DHRSX: variants seen among roughly 807,000 people sequenced by gnomAD.
DHRSX encodes polyprenol dehydrogenase.
Under a neutral mutation model 34.0 loss-of-function variants are expected in DHRSX, and 31 were observed. The ratio of observed to expected loss-of-function variants is 0.91; its 90% CI spans 0.69 to 1.23. DHRSX has a LOEUF of 1.23. Ranked by LOEUF, DHRSX falls within the 50% of genes most tolerant of loss-of-function variation. The pLI is 0.00. For synonymous variants in DHRSX, 201 were observed against 183.8 expected, an observed-to-expected ratio of 1.09 and a Z score of -0.76; for missense variants, 414 against 428.1, an observed-to-expected ratio of 0.97 and a Z score of 0.29.
At chrX:2,268,940 G>A (rs1485148588) in intron 4 of DHRSX, among the ~76,000 whole-genome samples, 1 of 152,216 alleles carries the variant, frequency 6.6e-6, no homozygotes, top group African/African-American at 2.4e-5. Context: ...TGCATTTGAG[G>A]TGTATGATTA....
intron 1 of DHRSX, among the ~76,000 whole-genome samples, chrX:2,473,073 T>A (rs2044618391): frequency 6.6e-6 from 1 of 152,098 alleles, no homozygotes; most frequent in Non-Finnish European, 1.5e-5. Context: ...TCTAGCCAGT[T>A]TGTTCACAGC....
At chrX:2,293,208 T>C (rs1489564990) in intron 3 of DHRSX, among the ~76,000 whole-genome samples, 2 of 151,518 alleles carry the variant, frequency 1.3e-5, no homozygotes, top group African/African-American at 4.9e-5. Context: ...AAATTCCCAG[T>C]GGGTCTCCAT....
At chrX:2,430,256 C>T (rs1212895707) in intron 1 of DHRSX, among the ~76,000 whole-genome samples, 1 of 57,700 alleles carries the variant, frequency 1.7e-5, no homozygotes, top group Admixed American at 1.9e-4. Flanking sequence ...GAGACCCCAG[C>T]TCAAAAAAAA....
chrX:2,470,453 G>A (rs2044572107), intron 1 of DHRSX, among the ~76,000 whole-genome samples: 1 of 151,794 alleles, frequency 6.6e-6, no homozygotes, highest in South Asian at 2.1e-4. Context: ...TGCACCTGTA[G>A]TCCCAGCTAC....
rs1171685904 is a variant in DHRSX, at chrX:2,448,710, A to G, written c.110-23406T>C. On this transcript the variant is annotated intron_variant, in intron 1 of 6. Transcript: ENST00000334651. Reference sequence around the variant, plus strand: ...TATATGTATACGATTATTTTTTGTTAATGAACAATACATTTTCTATAAAAA... The same window carrying G: ...TATATGTATACGATTATTTTTTGTTGATGAACAATACATTTTCTATAAAAA... Among the ~76,000 whole-genome samples, 3 of 152,188 alleles carry G rather than the reference A, an allele frequency of 2.0e-5. No individual in the cohort carries two copies. The East Asian group carries it at 5.8e-4, about 29-fold the overall frequency.
chrX:2,314,675 T>C (rs1355234478), intron 3 of DHRSX, among the ~76,000 whole-genome samples: 1 of 152,010 alleles, frequency 6.6e-6, no homozygotes, highest in African/African-American at 2.4e-5. Context: ...TAAGTTACGA[T>C]ATATAGGGTT....
At chrX:2,460,197 A>T (rs1173857942) in intron 1 of DHRSX, among the ~76,000 whole-genome samples, 1 of 152,090 alleles carries the variant, frequency 6.6e-6, no homozygotes, top group Non-Finnish European at 1.5e-5. Flanking sequence ...TCCTCTCACA[A>T]AGCGGCGAGT....
chrX:2,256,485 G>A (rs1426138187), intron 5 of DHRSX, among the ~76,000 whole-genome samples: 2 of 151,982 alleles, frequency 1.3e-5, no homozygotes, highest in Admixed American at 6.6e-5. Flanking sequence ...TAGTAGAGAC[G>A]GGGTTTCCCC....
At chrX:2,356,742 C>T (rs962032025) in intron 3 of DHRSX, among the ~76,000 whole-genome samples, 1 of 152,182 alleles carries the variant, frequency 6.6e-6, no homozygotes, top group Non-Finnish European at 1.5e-5. Flanking sequence ...GGGATGATCC[C>T]TTTCCATTTG....
chrX:2,226,013 G>A (rs1322772265), intron 6 of DHRSX, among the ~76,000 whole-genome samples: 2 of 152,022 alleles, frequency 1.3e-5, no homozygotes, highest in African/African-American at 2.4e-5. Flanking sequence ...CAAGGAGAGA[G>A]GCCTCGGGAG....
chrX:2,242,766 C>A (rs1473048462), intron 6 of DHRSX, among the ~76,000 whole-genome samples: 10 of 152,028 alleles, frequency 6.6e-5, no homozygotes, highest in South Asian at 6.2e-4. Context: ...AATAATCCCC[C>A]CCTCGTTTAG....
chrX:2,462,716 C>T (rs1291838721), intron 1 of DHRSX, among the ~76,000 whole-genome samples: 7 of 151,978 alleles, frequency 4.6e-5, no homozygotes, highest in Non-Finnish European at 1.0e-4. Flanking sequence ...TTTTATAAGC[C>T]CAAGTCCCAC....
chrX:2,387,752 A>G (rs1044930472), intron 3 of DHRSX, among the ~76,000 whole-genome samples: 1 of 152,000 alleles, frequency 6.6e-6, no homozygotes, highest in Non-Finnish European at 1.5e-5. Context: ...TAATCATCGC[A>G]GAACCCATTC....
In DHRSX at chrX:2,243,202, C is replaced by A. The variant is rs200356760; in HGVS notation, c.625G>T (p.Ala209Ser). Residue 209 changes from alanine to serine, a missense_variant, in exon 6 of 7, where the codon GCC becomes TCC. Transcript: ENST00000334651. The part of the protein sequence containing the change: ...SACYSPHAAY[A>S]QSKLALVLFT... ...AGGACAAGGGCCAGCTTGCTCTGGG[C>A]GTAGGCTGCGTGGGGTGAGTAGCAG... 55 of 1,613,664 alleles carry A rather than the reference C, an allele frequency of 3.4e-5. No individual in the cohort carries two copies. The highest frequency in any genetic ancestry group is 5.5e-5 in the South Asian group (5 of 91,064).
At chrX:2,399,732 A>AG (rs1013392550) in intron 3 of DHRSX, among the ~76,000 whole-genome samples, 1 of 138,938 alleles carries the variant, frequency 7.2e-6, no homozygotes, top group African/African-American at 2.8e-5. Context: ...AAGCAAAAAA[A>AG]AAAAAAAAAA....
intron 1 of DHRSX, among the ~76,000 whole-genome samples, chrX:2,486,127 T>C (rs964780623): frequency 4.6e-5 from 7 of 151,998 alleles, no homozygotes; most frequent in African/African-American, 1.7e-4. Flanking sequence ...TATACAACTA[T>C]CCACTAAGTG....
intron 3 of DHRSX, among the ~76,000 whole-genome samples, chrX:2,355,237 C>T (rs1414787912): frequency 2.0e-5 from 3 of 152,090 alleles, no homozygotes; most frequent in African/African-American, 7.2e-5. Flanking sequence ...TCAGGCCGGG[C>T]ACAATGGCTC....
chrX:2,289,252 G>A (rs985574149), intron 4 of DHRSX, among the ~76,000 whole-genome samples: 89 of 151,976 alleles, frequency 5.9e-4, no homozygotes, highest in African/African-American at 2.1e-3. Flanking sequence ...TGAGTAGCTG[G>A]GACTACAGAT....
intron 3 of DHRSX, among the ~76,000 whole-genome samples, chrX:2,398,674 T>TC (rs1194078871): frequency 6.7e-6 from 1 of 149,782 alleles, no homozygotes; most frequent in African/African-American, 2.5e-5. Flanking sequence ...ATATTCCTTT[T>TC]TTTTTTTTTT....
Sources: allele counts gnomAD v4.1 joint callset (sites outside exome capture counted in the v4.1 genomes callset), GRCh38; gene constraint gnomAD v4.1.1; transcripts MANE v1.5; gene names NCBI Gene and HGNC (gene_info 2026-07-23, HGNC 2026-07-21).